Variants in POU2F1 observed in about 807,000 individuals in gnomAD.
POU2F1 encodes POU class 2 homeobox 1, also known as POU domain, class 2, transcription factor 1.
In POU2F1, 16 loss-of-function variants were observed where a neutral mutation model predicts 84.9. The ratio of observed to expected loss-of-function variants is 0.19; its 90% CI spans 0.13 to 0.29. The LOEUF is 0.29. POU2F1 is among the 10% of genes least tolerant of loss of function. POU2F1 has a pLI of 1.00. For synonymous variants in POU2F1, 368 were observed against 368.3 expected (o/e 1.00, Z 0.01); for missense variants, 738 against 942.6 (o/e 0.78, Z 2.84).
chr1:167,365,636 A>G, intron 3 of POU2F1, 69 bp downstream of exon 3: 2 of 1,128,950 alleles, frequency 1.8e-6, no homozygotes, highest in African/African-American at 1.6e-5. Context: ...GGCCTGAGGA[A>G]GTTATTTCAG....
intron 1 of POU2F1, among the ~76,000 whole-genome samples, chr1:167,262,679 G>A (rs897324056): frequency 1.3e-5 from 2 of 152,164 alleles, no homozygotes; most frequent in Admixed American, 1.3e-4. Context: ...CCCTGGGGAT[G>A]GATTTTGTAC....
chr1:167,351,467 C>T (rs1366868228), intron 2 of POU2F1, among the ~76,000 whole-genome samples: 3 of 137,568 alleles, frequency 2.2e-5, no homozygotes, highest in East Asian at 2.1e-4. Flanking sequence ...TGCAGTGAGC[C>T]GAGATCGCGC....
chr1:167,321,125 G>A (rs934934985), intron 1 of POU2F1, among the ~76,000 whole-genome samples: 3 of 152,164 alleles, frequency 2.0e-5, no homozygotes, highest in African/African-American at 7.2e-5. Context: ...TCATAACATT[G>A]AAGTAATATT....
intron 1 of POU2F1, among the ~76,000 whole-genome samples, chr1:167,311,331 T>C (rs967920268): frequency 3.9e-5 from 6 of 152,110 alleles, no homozygotes; most frequent in African/African-American, 1.4e-4. Flanking sequence ...AGGCATATTT[T>C]TCAGGTAGAG....
At chr1:167,322,504 G>A (rs191286367) in intron 1 of POU2F1, among the ~76,000 whole-genome samples, 2 of 152,324 alleles carry the variant, frequency 1.3e-5, no homozygotes, top group East Asian at 3.9e-4. Context: ...CACAGCTTTT[G>A]GGCAGCATAA....
rs139592443 is a variant in POU2F1, at chr1:167,341,021, T to C, written c.127+8486T>C. On this transcript the variant is annotated intron_variant, in intron 2 of 15. Transcript: ENST00000367866. ...TTTAAATCATGATGATGCTAGGCAA[T>C]TTATGTTCAGCATGAAGAAACAGTC... Among the ~76,000 whole-genome samples the C allele has an allele frequency of 5.2e-3, 785 of 152,224 alleles. 8 individuals carry two copies. The highest frequency in any genetic ancestry group is 0.018 in the African/African-American group (741 of 41,528).
chr1:167,257,773 G>A (rs1487988902), intron 1 of POU2F1: 1 of 118,716 alleles, frequency 8.4e-6, no homozygotes, highest in East Asian at 3.4e-4. Context: ...CTTGGAAGCA[G>A]GTTTTTTTTT....
intron 2 of POU2F1, among the ~76,000 whole-genome samples, chr1:167,363,894 C>T (rs901342654): frequency 1.3e-5 from 2 of 152,162 alleles, no homozygotes; most frequent in Non-Finnish European, 2.9e-5. Flanking sequence ...TATTGGCAGA[C>T]GTTAGCACTG....
intron 1 of POU2F1, among the ~76,000 whole-genome samples, chr1:167,302,392 C>G (rs536635797): frequency 2.6e-5 from 4 of 152,006 alleles, no homozygotes; most frequent in Admixed American, 2.6e-4. Context: ...TCCCGAGTAG[C>G]TGGGATTACA....
intron 1 of POU2F1, among the ~76,000 whole-genome samples, chr1:167,309,103 G>GTT (rs749208571): frequency 3.6e-5 from 5 of 140,740 alleles, no homozygotes; most frequent in Admixed American, 7.1e-5. Flanking sequence ...TCCACTAGTG[G>GTT]TTTTTTTTTT....
intron 1 of POU2F1, among the ~76,000 whole-genome samples, chr1:167,240,771 C>A (rs532864055): frequency 1.3e-5 from 2 of 152,172 alleles, no homozygotes; most frequent in Admixed American, 1.3e-4. Context: ...GGTTTGCCAA[C>A]GTTATTTCTA....
rs796483000 is a variant in POU2F1, at chr1:167,351,540, A to G, written c.128-13927A>G. 9.7e-3 allele frequency among the ~76,000 whole-genome samples: 1,393 copies of G among 143,408 alleles called. 14 individuals carry two copies. The highest frequency in any genetic ancestry group is 0.036 in the African/African-American group (1,258 of 34,844). 94.1% of individuals were successfully genotyped at this position (143,408 alleles called of 152,430 possible). On this transcript the variant is annotated intron_variant, in intron 2 of 15. Coordinates refer to ENST00000367866, the MANE Select transcript of POU2F1 (RefSeq NM_002697.4). ...ATCTCAAAAAAAAAAAAAAAAAAAA[A>G]AAAGAAAGAAAGAAAAAAAAGAAAA...
chr1:167,393,720 T>G (rs1648593502), intron 9 of POU2F1, among the ~76,000 whole-genome samples: 1 of 152,144 alleles, frequency 6.6e-6, no homozygotes, highest in African/African-American at 2.4e-5. Context: ...TTGACTTATT[T>G]TTTGCTTGTT....
At chr1:167,244,778 A>G (rs1007380254) in intron 1 of POU2F1, among the ~76,000 whole-genome samples, 1 of 152,330 alleles carries the variant, frequency 6.6e-6, no homozygotes, top group Admixed American at 6.5e-5. Context: ...CTGCTGATCT[A>G]AATGTATGTT....
At chr1:167,299,263 C>G (rs1654495388) in intron 1 of POU2F1, among the ~76,000 whole-genome samples, 1 of 150,638 alleles carries the variant, frequency 6.6e-6, no homozygotes, top group Non-Finnish European at 1.5e-5. Context: ...AAAAGTGTAT[C>G]TTGTAGTATA....
intron 1 of POU2F1, among the ~76,000 whole-genome samples, chr1:167,313,119 A>G (rs895888894): frequency 1.3e-5 from 2 of 152,232 alleles, no homozygotes; most frequent in African/African-American, 4.8e-5. Flanking sequence ...TGTAAATCCA[A>G]CAAAACATGT....
At chr1:167,393,528 C>T (rs1648578058) in intron 9 of POU2F1, among the ~76,000 whole-genome samples, 1 of 151,910 alleles carries the variant, frequency 6.6e-6, no homozygotes, top group African/African-American at 2.4e-5. Context: ...GAGAGGGTCT[C>T]ACTCTCTTGG....
At chr1:167,310,350 G>T (rs986289543) in intron 1 of POU2F1, among the ~76,000 whole-genome samples, 16 of 151,746 alleles carry the variant, frequency 1.1e-4, no homozygotes, top group Admixed American at 9.2e-4. Flanking sequence ...GTAGTAAATG[G>T]GTTAAACAAA....
intron 7 of POU2F1, among the ~76,000 whole-genome samples, chr1:167,376,944 A>G (rs1171571188): frequency 1.3e-5 from 2 of 152,186 alleles, no homozygotes; most frequent in Non-Finnish European, 2.9e-5. Flanking sequence ...TATGCACACA[A>G]TGCTATGGGA....
Sources: allele counts gnomAD v4.1 joint callset (sites outside exome capture counted in the v4.1 genomes callset), GRCh38; gene constraint gnomAD v4.1.1; transcripts MANE v1.5; gene names NCBI Gene and HGNC (gene_info 2026-07-23, HGNC 2026-07-21).